Variants in NCR2 observed in about 807,000 individuals in gnomAD.
NCR2 encodes natural cytotoxicity triggering receptor 2, also known as NK cell activating receptor (NKp44).
Under a neutral mutation model 30.7 loss-of-function variants are expected in NCR2, and 35 were observed. The observed-to-expected ratio is 1.14, with a 90% CI of 0.87 to 1.51. NCR2 has a LOEUF of 1.51. Ranked by LOEUF, NCR2 falls within the 40% of genes most tolerant of loss-of-function variation. NCR2 has a pLI of 0.00. For synonymous variants in NCR2, 146 were observed against 134.8 expected, an observed-to-expected ratio of 1.08 and a Z score of -0.58; for missense variants, 316 against 328.9, an observed-to-expected ratio of 0.96 and a Z score of 0.30.
At chr6:41,347,194 G>A (rs1283918732) in intron 4 of NCR2, among the ~76,000 whole-genome samples, 1 of 152,176 alleles carries the variant, frequency 6.6e-6, no homozygotes, top group East Asian at 1.9e-4. Flanking sequence ...CAGCCTAGGT[G>A]ACAGAGCAAG....
At chr6:41,346,734 C>T (rs1184944770) in intron 4 of NCR2, among the ~76,000 whole-genome samples, 1 of 151,036 alleles carries the variant, frequency 6.6e-6, no homozygotes, top group Non-Finnish European at 1.5e-5. Context: ...TCTAGACCCA[C>T]ATCATTCTCT....
rs1581657581 is a variant in NCR2, at chr6:41,335,857, G to A, written c.-20G>A. ...CTTCTCCAGGTGTCCCCTCCCATGA[G>A]CGCACAGGAAAAGGACCACATGGCC... On this transcript the variant is annotated 5_prime_UTR_variant, in exon 1 of 5. Transcript: ENST00000373089. The A allele has an allele frequency of 9.0e-6, 14 of 1,561,726 alleles. No individual in the cohort carries two copies. Among genetic ancestry groups the A allele is most frequent in the Non-Finnish European group, 1.2e-5 (14 of 1,152,272 alleles).
intron 4 of NCR2, among the ~76,000 whole-genome samples, chr6:41,349,118 ATTT>A (rs1214250025): frequency 6.8e-6 from 1 of 146,654 alleles, no homozygotes; most frequent in African/African-American, 2.5e-5. Flanking sequence ...TATTTTTTAT[ATTT>A]TATTTATATA....
chr6:41,342,388 C>T (rs1405349889), intron 4 of NCR2, among the ~76,000 whole-genome samples: 1 of 151,664 alleles, frequency 6.6e-6, no homozygotes, highest in Non-Finnish European at 1.5e-5. Flanking sequence ...GTGTTTTCTC[C>T]TCTCTCTCTC....
intron 2 of NCR2, among the ~76,000 whole-genome samples, chr6:41,338,944 G>A (rs1769098297): frequency 6.6e-6 from 1 of 152,218 alleles, no homozygotes; most frequent in Non-Finnish European, 1.5e-5. Flanking sequence ...AAAGTCTAGA[G>A]CTTATATGTG....
intron 4 of NCR2, 140 bp downstream of exon 4, chr6:41,342,289 G>A (rs1321084695): frequency 8.4e-7 from 1 of 1,183,720 alleles, no homozygotes; most frequent in Non-Finnish European, 1.2e-6. Flanking sequence ...AAGCCCTCAT[G>A]GAGTCCATCC....
intron 2 of NCR2, among the ~76,000 whole-genome samples, chr6:41,338,634 A>G (rs957364155): frequency 3.9e-4 from 59 of 152,234 alleles, no homozygotes; most frequent in Admixed American, 3.7e-3. Flanking sequence ...ATTCCTTCAT[A>G]TCATTGTGTT....
At chr6:41,337,919 G>A (rs954395299) in intron 2 of NCR2, among the ~76,000 whole-genome samples, 8 of 152,214 alleles carry the variant, frequency 5.3e-5, no homozygotes, top group Middle Eastern at 3.4e-3. Flanking sequence ...ACAAAAAAAC[G>A]AAATTCAAAA....
intron 4 of NCR2, among the ~76,000 whole-genome samples, chr6:41,346,432 G>T (rs763955166): frequency 6.6e-5 from 10 of 151,602 alleles, no homozygotes; most frequent in African/African-American, 1.7e-4. Context: ...ATGATCCATT[G>T]ATCCTGCCAC....
intron 2 of NCR2, 112 bp from the exon 3 acceptor site, chr6:41,341,682 G>T: frequency 7.4e-7 from 1 of 1,355,592 alleles, no homozygotes; most frequent in Non-Finnish European, 1.0e-6. Context: ...TTCTTCTCTG[G>T]GCGCATGGGC....
intron 4 of NCR2, among the ~76,000 whole-genome samples, chr6:41,343,549 C>G (rs1017485788): frequency 7.9e-5 from 12 of 152,172 alleles, no homozygotes; most frequent in African/African-American, 2.9e-4. Flanking sequence ...GAGCAAAGAA[C>G]GATTTGCAAA....
chr6:41,341,522 C>T (rs183959085), intron 2 of NCR2, among the ~76,000 whole-genome samples: 1 of 152,252 alleles, frequency 6.6e-6, no homozygotes, highest in Admixed American at 6.5e-5. Context: ...GGTGCCCATC[C>T]AAAGACTCGA....
chr6:41,349,416 T>C (rs930449294), intron 4 of NCR2, among the ~76,000 whole-genome samples: 1 of 152,148 alleles, frequency 6.6e-6, no homozygotes, highest in Non-Finnish European at 1.5e-5. Context: ...TTTCCTGGCA[T>C]CTTTTCCTCT....
chr6:41,347,679 C>T (rs1228917874), intron 4 of NCR2, among the ~76,000 whole-genome samples: 5 of 152,318 alleles, frequency 3.3e-5, no homozygotes, highest in East Asian at 3.9e-4. Flanking sequence ...AGCCCCAAAA[C>T]GTAGTAGCTT....
chr6:41,349,079 TAA>T (rs1769370402), intron 4 of NCR2, among the ~76,000 whole-genome samples: 2 of 147,432 alleles, frequency 1.4e-5, no homozygotes, highest in Admixed American at 6.8e-5. Context: ...ATTATATTTT[TAA>T]TATATTTTAT....
At chr6:41,339,222 C>A (rs994064886) in intron 2 of NCR2, among the ~76,000 whole-genome samples, 4 of 152,086 alleles carry the variant, frequency 2.6e-5, no homozygotes, top group Non-Finnish European at 5.9e-5. Context: ...CCACCACACC[C>A]GGCTAATTTT....
At chr6:41,343,778 C>A (rs1306390621) in intron 4 of NCR2, among the ~76,000 whole-genome samples, 1 of 149,372 alleles carries the variant, frequency 6.7e-6, no homozygotes, top group Admixed American at 6.8e-5. Flanking sequence ...ACCTCTCTCT[C>A]CTAATTTCTC....
At chr6:41,336,472 C>G in intron 2 of NCR2, 44 bp downstream of exon 2, 1 of 1,504,974 alleles carries the variant, frequency 6.6e-7, no homozygotes, top group Non-Finnish European at 9.1e-7. Context: ...CCCCTCACCC[C>G]CTTTTGGTGC....
chr6:41,343,160 A>ACC, intron 4 of NCR2: 1 of 754,466 alleles, frequency 1.3e-6, no homozygotes, highest in South Asian at 1.9e-5. Context: ...GAGCTGCAGA[A>ACC]CCCAGGCCCT....
Sources: allele counts gnomAD v4.1 joint callset (sites outside exome capture counted in the v4.1 genomes callset), GRCh38; gene constraint gnomAD v4.1.1; transcripts MANE v1.5; gene names NCBI Gene and HGNC (gene_info 2026-07-23, HGNC 2026-07-21).